Variants in WDR72 observed in about 807,000 individuals in gnomAD.
WDR72 encodes WD repeat domain 72, also known as WD repeat-containing protein 72.
Under a neutral mutation model 124.2 loss-of-function variants are expected in WDR72, and 120 were observed. That is an observed-to-expected ratio of 0.97 (90% CI 0.83 to 1.12). The LOEUF (loss-of-function observed/expected upper bound fraction) is 1.12, where lower values mean the gene tolerates loss of function less well. Ranked by LOEUF, WDR72 falls within the 50% of genes most tolerant of loss-of-function variation. WDR72 has a pLI of 0.00. For missense variants in WDR72, 1,387 were observed against 1,278.8 expected (o/e 1.08, Z -1.29); for synonymous variants, 452 against 441.7 (o/e 1.02, Z -0.29).
intron 1 of WDR72, among the ~76,000 whole-genome samples, chr15:53,741,243 G>A (rs534757457): frequency 3.9e-5 from 6 of 152,330 alleles, no homozygotes; most frequent in African/African-American, 7.2e-5. Flanking sequence ...GGAATTTGGA[G>A]TTTATGGAGG....
intron 18 of WDR72, among the ~76,000 whole-genome samples, chr15:53,547,198 A>G (rs778305802): frequency 2.0e-5 from 3 of 152,220 alleles, no homozygotes; most frequent in Non-Finnish European, 2.9e-5. Flanking sequence ...TACCAATGCA[A>G]TTAAGCCAAA....
Position 53,702,340 on chromosome 15 carries a change from T to C in WDR72, c.1363A>G (p.Lys455Glu). The C allele has an allele frequency of 6.2e-7, 1 of 1,613,074 alleles. No individual in the cohort carries two copies. The highest frequency in any genetic ancestry group is 1.6e-4 in the Middle Eastern group (1 of 6,062). The change falls in exon 12 of 20, where the codon AAA becomes GAA. Residue 455 changes from lysine to glutamate, a missense_variant. Coordinates refer to ENST00000360509, the MANE Select transcript of WDR72 (RefSeq NM_182758.4). ...GSLVKDSPPH[K>E]VLKGHHQSVT... is the part of the protein sequence containing the mutation. Reference sequence around the variant, plus strand: ...CTTTGGTGGTGGCCTTTAAGAACTTTATGAGGGGGAGAATCTGAAAAACAA... The same window carrying C: ...CTTTGGTGGTGGCCTTTAAGAACTTCATGAGGGGGAGAATCTGAAAAACAA...
intron 7 of WDR72, among the ~76,000 whole-genome samples, chr15:53,712,320 G>A (rs1465806486): frequency 2.6e-5 from 4 of 152,114 alleles, no homozygotes; most frequent in African/African-American, 4.8e-5. Flanking sequence ...ATGTCAGGCC[G>A]TGTCCAGTGG....
At chr15:53,696,241 C>T (rs17663120) in intron 13 of WDR72, among the ~76,000 whole-genome samples, 4,124 of 152,028 alleles carry the variant, frequency 0.027, 99 homozygotes, top group East Asian at 0.07. Flanking sequence ...AAGTGTGAAC[C>T]CTGTGGAGAG....
chr15:53,526,465 G>A (rs144648864), intron 18 of WDR72, among the ~76,000 whole-genome samples: 77 of 152,174 alleles, frequency 5.1e-4, no homozygotes, highest in African/African-American at 1.7e-3. Context: ...ACTTTGGTAT[G>A]TATTTTTAAT....
In WDR72 at chr15:53,626,447, C is replaced by T. The variant is rs548368190; in HGVS notation, c.1963-10204G>A. The stretch of plus-strand genomic sequence containing the variant: ...GCCGGATCCAAGGGATGGAAGTCAG[C>T]GGCAGGTCTGCGAGGCGGCAAAGAA... On this transcript the variant is annotated intron_variant, in intron 14 of 19. Coordinates refer to ENST00000360509, the MANE Select transcript of WDR72 (RefSeq NM_182758.4). 9.2e-5 allele frequency among the ~76,000 whole-genome samples: 14 copies of T among 152,250 alleles called. No homozygotes were observed. The East Asian group carries it at 1.7e-3, about 19-fold the overall frequency.
upstream of WDR72, among the ~76,000 whole-genome samples, chr15:53,761,034 G>A (rs1480906541): frequency 6.6e-6 from 1 of 152,114 alleles, no homozygotes; most frequent in Admixed American, 6.5e-5. Flanking sequence ...TGAGGCAGGA[G>A]AATCACTTGA....
intron 18 of WDR72, among the ~76,000 whole-genome samples, chr15:53,592,562 C>G (rs1175112263): frequency 2.0e-5 from 3 of 152,026 alleles, no homozygotes; most frequent in Non-Finnish European, 2.9e-5. Context: ...ATTTAATTTT[C>G]TAGATAAGTC....
intron 1 of WDR72, among the ~76,000 whole-genome samples, chr15:53,739,020 A>G (rs1409226181): frequency 1.3e-5 from 2 of 152,238 alleles, no homozygotes; most frequent in Non-Finnish European, 2.9e-5. Context: ...TATTTTAGCA[A>G]AAACTTCATA....
chr15:53,645,228 T>C (rs2014999970), intron 14 of WDR72, among the ~76,000 whole-genome samples: 1 of 152,148 alleles, frequency 6.6e-6, no homozygotes, highest in Non-Finnish European at 1.5e-5. Flanking sequence ...CCACTCACTA[T>C]TTGAAGCAAT....
chr15:53,667,070 G>A (rs1209552193), intron 13 of WDR72, among the ~76,000 whole-genome samples: 1 of 152,112 alleles, frequency 6.6e-6, no homozygotes, highest in Non-Finnish European at 1.5e-5. Context: ...TGATCTATCT[G>A]GCTGGGTGTG....
chr15:53,620,632 T>C (rs1047706874), intron 14 of WDR72, among the ~76,000 whole-genome samples: 5 of 152,048 alleles, frequency 3.3e-5, no homozygotes, highest in Admixed American at 2.0e-4. Flanking sequence ...TCTCTCACCT[T>C]AAACAAAAAT....
At chr15:53,648,036 C>T (rs2015104120) in intron 14 of WDR72, among the ~76,000 whole-genome samples, 1 of 152,102 alleles carries the variant, frequency 6.6e-6, no homozygotes, top group Admixed American at 6.6e-5. Context: ...CTAGAAGACA[C>T]AGAAACAAAT....
At chr15:53,707,604 G>A (rs1216601686) in intron 9 of WDR72, among the ~76,000 whole-genome samples, 5 of 151,888 alleles carry the variant, frequency 3.3e-5, no homozygotes, top group Admixed American at 6.6e-5. Context: ...CCGCCACCAC[G>A]CCCGGCTAAT....
At position 53,572,324 on chromosome 15, in the gene WDR72, GT is replaced by G. The variant is rs914093042; in HGVS notation, c.3148+24754del. 5.0e-3 allele frequency among the ~76,000 whole-genome samples: 749 copies of G among 150,614 alleles called. 1 individual carries two copies. Among genetic ancestry groups the G allele is most frequent in the African/African-American group, 0.018 (720 of 40,244 alleles). On this transcript the variant is annotated intron_variant, in intron 18 of 19. Coordinates refer to ENST00000360509, the MANE Select transcript of WDR72 (RefSeq NM_182758.4). ...ACCAGTAACATGCAGCTTTCCCCCT[GT>G]TTTCTTCTAGCAGTTTTAGAGTTTC... is the stretch of plus-strand genomic sequence containing the variant.
intron 13 of WDR72, among the ~76,000 whole-genome samples, chr15:53,686,323 G>A (rs894101828): frequency 1.4e-4 from 21 of 152,150 alleles, no homozygotes; most frequent in African/African-American, 4.1e-4. Context: ...CCCATCTCAC[G>A]TGCAGAGACA....
intron 17 of WDR72, among the ~76,000 whole-genome samples, chr15:53,599,907 A>G (rs966234431): frequency 6.6e-6 from 1 of 152,214 alleles, no homozygotes; most frequent in Admixed American, 6.6e-5. Context: ...TATTATAAGA[A>G]TAATGATACG....
chr15:53,589,237 G>A (rs888929642), intron 18 of WDR72, among the ~76,000 whole-genome samples: 1 of 151,800 alleles, frequency 6.6e-6, no homozygotes, highest in Non-Finnish European at 1.5e-5. Context: ...CTTGCTGTGT[G>A]TACATCTCAT....
intron 14 of WDR72, among the ~76,000 whole-genome samples, chr15:53,655,579 AAAAGG>A (rs2015392356): frequency 6.6e-6 from 1 of 152,220 alleles, no homozygotes; most frequent in Non-Finnish European, 1.5e-5. Flanking sequence ...AGAGACAAGA[AAAAGG>A]AAAACAAAAC....
Sources: allele counts gnomAD v4.1 joint callset (sites outside exome capture counted in the v4.1 genomes callset), GRCh38; gene constraint gnomAD v4.1.1; transcripts MANE v1.5; gene names NCBI Gene and HGNC (gene_info 2026-07-23, HGNC 2026-07-21).